The following JMJD1C variants were observed in gnomAD, a reference collection of about 807,000 sequenced individuals.
The protein encoded by JMJD1C is jumonji domain-containing protein 1C.
In JMJD1C, 31 loss-of-function variants were observed where a neutral mutation model predicts 245.3. The observed-to-expected ratio is 0.13, with a 90% confidence interval of 0.09 to 0.17. The LOEUF (loss-of-function observed/expected upper bound fraction) is 0.17, where lower values mean the gene tolerates loss of function less well. JMJD1C is among the 10% of genes least tolerant of loss of function. The pLI, the probability that JMJD1C is intolerant of heterozygous loss-of-function variation, is 1.00. For synonymous variants in JMJD1C, 1,057 were observed against 1,017.4 expected (o/e 1.04, Z -0.74); for missense variants, 2,691 against 3,000.2 (o/e 0.90, Z 2.41).
At chr10:63,389,311 C>CAAAAAAAAAAAAAA (rs1185397734) in intron 1 of JMJD1C, among the ~76,000 whole-genome samples, 1 of 64,642 alleles carries the variant, frequency 1.5e-5, no homozygotes, top group Non-Finnish European at 2.8e-5. Flanking sequence ...GACCCTGTCT[C>CAAAAAAAAAAAAAA]AAAAAAAAAA....
chr10:63,307,645 G>A (rs1938459595), intron 2 of JMJD1C, among the ~76,000 whole-genome samples: 1 of 152,040 alleles, frequency 6.6e-6, no homozygotes, highest in African/African-American at 2.4e-5. Flanking sequence ...TGGCACTGGG[G>A]GCTAAGGAAG....
chr10:63,420,714 CAAAAAAAAA>C (rs35090799), intron 1 of JMJD1C, among the ~76,000 whole-genome samples: 3 of 47,720 alleles, frequency 6.3e-5, no homozygotes, highest in South Asian at 7.1e-4. Flanking sequence ...GACCCAGTCT[CAAAAAAAAA>C]AAAAAAAAAA....
At position 63,213,827 on chromosome 10, in the gene JMJD1C, A is replaced by G. The variant is rs781448712; in HGVS notation, c.2340T>C (p.His780=). The change falls in exon 8 of 26, where the codon CAT becomes CAC. Residue 780 remains histidine, a synonymous_variant. Coordinates refer to ENST00000399262, the MANE Select transcript of JMJD1C (RefSeq NM_032776.3). ...CATGGTGTGGACCACTAGTCAGAGG[A>G]TGAGTGTTAATGGTAGGTAATGGAG... ...SQTPLPTINT[H]PLTSGPHHAV... 14 of 1,613,982 alleles carry G rather than the reference A, an allele frequency of 8.7e-6. No individual in the cohort carries two copies. The East Asian group carries it at 2.7e-4, about 31-fold the overall frequency.
intron 3 of JMJD1C, among the ~76,000 whole-genome samples, chr10:63,247,117 CAAA>C (rs944298893): frequency 6.0e-5 from 8 of 134,084 alleles, no homozygotes; most frequent in Non-Finnish European, 1.3e-4. Context: ...AAAACAAAAA[CAAA>C]AACAAAAAAA....
rs899623933 is a variant in JMJD1C at position 63,290,527 on chromosome 10, C to A, written c.334-25763G>T. On this transcript the variant is annotated intron_variant, in intron 2 of 25. Transcript: ENST00000399262. The stretch of plus-strand genomic sequence containing the variant: ...AGTGAGCCAAGATCGCACCACTGCA[C>A]TCCAGCCTGGGCGACAGAGCAAGAC... 2.8e-4 allele frequency among the ~76,000 whole-genome samples: 42 copies of A among 152,086 alleles called. 1 individual carries two copies. The highest frequency in any genetic ancestry group is 1.4e-3 in the Admixed American group (22 of 15,266).
chr10:63,411,601 A>ATTT (rs35643037), intron 1 of JMJD1C, among the ~76,000 whole-genome samples: 15 of 120,050 alleles, frequency 1.2e-4, no homozygotes, highest in African/African-American at 1.6e-4. Context: ...ACTCGGCCTG[A>ATTT]TTTTTTTTTT....
At chr10:63,473,974 C>T (rs553839736) in intron 1 of JMJD1C, among the ~76,000 whole-genome samples, 1 of 151,482 alleles carries the variant, frequency 6.6e-6, no homozygotes, top group Non-Finnish European at 1.5e-5. Flanking sequence ...TCCCGGGAGG[C>T]GAACGTTGCA....
chr10:63,232,971 C>G (rs1850200009), intron 3 of JMJD1C, among the ~76,000 whole-genome samples: 1 of 152,112 alleles, frequency 6.6e-6, no homozygotes, highest in Non-Finnish European at 1.5e-5. Context: ...CTTGGGAACT[C>G]AAATGTTACT....
rs899408963 is a variant in JMJD1C at position 63,465,917 on chromosome 10, A to C, written c.-255T>G. ...ACACAAGAAAACTGAAACAAAACCC[A>C]ACGCGGCCGTCGAAGACCCCGAGGC... On this transcript the variant is annotated 5_prime_UTR_variant, in exon 1 of 26. Coordinates refer to ENST00000399262, the MANE Select transcript of JMJD1C (RefSeq NM_032776.3). 5 of 595,984 alleles carry C rather than the reference A, an allele frequency of 8.4e-6. No homozygotes were observed. Among genetic ancestry groups the C allele is most frequent in the Non-Finnish European group, 3.1e-6 (1 of 323,234 alleles). 36.9% of individuals were successfully genotyped at this position (595,984 alleles called of 1,614,324 possible).
intron 1 of JMJD1C, among the ~76,000 whole-genome samples, chr10:63,456,739 C>T (rs1011052381): frequency 1.1e-4 from 16 of 152,064 alleles, no homozygotes; most frequent in African/African-American, 3.9e-4. Flanking sequence ...GTTCAAAATA[C>T]ATAATTTTCA....
intron 2 of JMJD1C, among the ~76,000 whole-genome samples, chr10:63,360,004 G>C (rs554788221): frequency 6.6e-6 from 1 of 152,024 alleles, no homozygotes; most frequent in Admixed American, 6.6e-5. Context: ...AAACAATAAG[G>C]AATACCACAG....
rs984015402 is a variant in JMJD1C, at chr10:63,391,435, G to A, written c.169-10953C>T. On this transcript the variant is annotated intron_variant, in intron 1 of 25. Coordinates refer to ENST00000399262, the MANE Select transcript of JMJD1C (RefSeq NM_032776.3). ...TGAGGCAGGAGAATGGTGTGAACTCGGGAGGCAGAGCTTGCAGTGAGCCAT... is the reference window on the plus strand; with the variant it reads ...TGAGGCAGGAGAATGGTGTGAACTCAGGAGGCAGAGCTTGCAGTGAGCCAT... 9.2e-5 allele frequency among the ~76,000 whole-genome samples: 14 copies of A among 152,108 alleles called. 1 individual carries two copies. In the East Asian group the frequency reaches 1.2e-3, roughly 13 times the overall value.
Position 63,185,589 on chromosome 10 carries a change from T to G in JMJD1C, c.6804A>C (p.Glu2268Asp), listed in dbSNP as rs758571360. ...VLKLKDWPSG[E>D]DFKTMMPARY... Reference sequence around the variant, plus strand: ...TTGCTGGCATCATAGTCTTGAAGTCTTCTCCTGAAGGCCAGTCTTTCAATT... The same window carrying G: ...TTGCTGGCATCATAGTCTTGAAGTCGTCTCCTGAAGGCCAGTCTTTCAATT... The change falls in exon 20 of 26, where the codon GAA becomes GAC. Residue 2268 changes from glutamate (E) to aspartate (D), a missense_variant. Physicochemically the swap from Glu to Asp is conservative, Grantham distance 45 (BLOSUM62 2). This residue lies in a region of JMJD1C where 232 missense variants were observed against 416.1 expected (regional missense o/e 0.56). Coordinates refer to ENST00000399262, the MANE Select transcript of JMJD1C (RefSeq NM_032776.3). 5.6e-6 allele frequency: 9 copies of G among 1,605,946 alleles called. No homozygotes were observed. Among genetic ancestry groups the G allele is most frequent in the Non-Finnish European group, 7.7e-6 (9 of 1,172,566 alleles).
intron 4 of JMJD1C, among the ~76,000 whole-genome samples, chr10:63,218,180 A>G (rs1055042121): frequency 3.9e-5 from 6 of 152,102 alleles, no homozygotes; most frequent in Non-Finnish European, 8.8e-5. Context: ...GCCCTTTTAC[A>G]AAAATCAAGA....
At position 63,214,371 on chromosome 10, in the gene JMJD1C, T is replaced by C. The variant is rs41274070; in HGVS notation, c.1796A>G (p.Tyr599Cys). Residue 599 changes from tyrosine (Y) to cysteine (C), a missense_variant, in exon 8 of 26, where the codon TAC becomes TGC. Physicochemically the swap from Tyr to Cys is radical, Grantham distance 194. This residue lies in a region of JMJD1C where 1,562 missense variants were observed against 1,490.7 expected (regional missense o/e 1.05). Coordinates refer to ENST00000399262, the MANE Select transcript of JMJD1C (RefSeq NM_032776.3). ...AGAAACTGCACTTAAAGGAGAAATG[T>C]AAGAGACATACTTCTCTTTTTCCAT... The part of the protein sequence containing the change: ...LNMEKEKYVS[Y>C]ISPLSAVSVM... The C allele has an allele frequency of 6.2e-7, 1 of 1,614,028 alleles. No homozygotes were observed. The highest frequency in any genetic ancestry group is 8.5e-7 in the Non-Finnish European group (1 of 1,179,994).
chr10:63,479,438 CATCTA>C (rs1172480251), intron 1 of JMJD1C, among the ~76,000 whole-genome samples: 1 of 152,076 alleles, frequency 6.6e-6, no homozygotes, highest in African/African-American at 2.4e-5. Flanking sequence ...TCTTCAGTAT[CATCTA>C]ATAAGTAGTC....
At chr10:63,414,249 G>A (rs1253767831) in intron 1 of JMJD1C, among the ~76,000 whole-genome samples, 2 of 152,080 alleles carry the variant, frequency 1.3e-5, no homozygotes, top group African/African-American at 2.4e-5. Context: ...GCCTCCCAAA[G>A]TGCTGGGATC....
chr10:63,402,213 C>CA (rs1948908647), intron 1 of JMJD1C, among the ~76,000 whole-genome samples: 1 of 151,144 alleles, frequency 6.6e-6, no homozygotes, highest in African/African-American at 2.4e-5. Flanking sequence ...AAAAAATGGT[C>CA]AAAATTCATG....
chr10:63,272,408 C>T (rs1856416554), intron 2 of JMJD1C, among the ~76,000 whole-genome samples: 1 of 152,074 alleles, frequency 6.6e-6, no homozygotes, highest in Non-Finnish European at 1.5e-5. Flanking sequence ...CACGCCACCA[C>T]GCCCAGCTAA....
Sources: allele counts gnomAD v4.1 joint callset (sites outside exome capture counted in the v4.1 genomes callset), GRCh38; gene constraint gnomAD v4.1.1; regional missense constraint gnomAD v4.1.1; transcripts MANE v1.5; gene names NCBI Gene and HGNC (gene_info 2026-07-23, HGNC 2026-07-21).